The following DENND1B variants were observed in gnomAD, a reference collection of about 807,000 sequenced individuals.
The protein encoded by DENND1B is DENN domain containing 1B, also known as DENN domain-containing protein 1B.
In DENND1B, 59 loss-of-function variants were observed where a neutral mutation model predicts 90.1. The ratio of observed to expected loss-of-function variants is 0.65; its 90% confidence interval spans 0.53 to 0.81. DENND1B has a LOEUF of 0.81. Ranked by LOEUF, DENND1B falls within the 40% of genes least tolerant of loss-of-function variation. DENND1B has a pLI of 0.00. For synonymous variants in DENND1B, 337 were observed against 324.6 expected, an observed-to-expected ratio of 1.04 and a Z score of -0.41; for missense variants, 862 against 912.6, an observed-to-expected ratio of 0.94 and a Z score of 0.71.
At position 197,528,029 on chromosome 1, in the gene DENND1B, G is replaced by A. The variant is rs563201394; in HGVS notation, c.1515+11935C>T. On this transcript the variant is annotated intron_variant, in intron 20 of 22. Coordinates refer to ENST00000620048, the MANE Select transcript of DENND1B (RefSeq NM_001195215.2). ...ATTTATTTTATTCCCAGAGTCCAAT[G>A]AATTCCTATGAATGAAAGTGTTTCA... 3.3e-5 allele frequency among the ~76,000 whole-genome samples: 5 copies of A among 152,132 alleles called. No homozygotes were observed. In the East Asian group the frequency reaches 7.7e-4, roughly 24 times the overall value.
chr1:197,686,263 G>A (rs910179557), intron 3 of DENND1B, among the ~76,000 whole-genome samples: 4 of 151,820 alleles, frequency 2.6e-5, no homozygotes, highest in South Asian at 2.1e-4. Flanking sequence ...TACATTTTAC[G>A]GAAATATATC....
At chr1:197,563,128 G>T (rs1313244774) in intron 15 of DENND1B, among the ~76,000 whole-genome samples, 1 of 151,992 alleles carries the variant, frequency 6.6e-6, no homozygotes, top group Non-Finnish European at 1.5e-5. Context: ...AGCAAATGCT[G>T]ATGCAGAAGC....
chr1:197,576,972 T>C (rs560414560), intron 15 of DENND1B, among the ~76,000 whole-genome samples: 54 of 152,296 alleles, frequency 3.5e-4, no homozygotes, highest in African/African-American at 1.2e-3. Context: ...AAAAGGCCTA[T>C]ATTCATGGAG....
At chr1:197,513,284 AC>A (rs1668165614) in intron 20 of DENND1B, among the ~76,000 whole-genome samples, 1 of 151,498 alleles carries the variant, frequency 6.6e-6, no homozygotes, top group African/African-American at 2.4e-5. Context: ...ACCCTCATGC[AC>A]CCATCACACA....
intron 15 of DENND1B, among the ~76,000 whole-genome samples, chr1:197,554,172 C>T (rs893841356): frequency 6.7e-6 from 1 of 149,582 alleles, no homozygotes; most frequent in South Asian, 2.1e-4. Context: ...CACTTGGTTA[C>T]CTTTTATTTT....
rs6667565 is a variant in DENND1B, at chr1:197,615,411, A to C, written c.773+2248T>G. ...CACACCAGAGCTACCAGTTGCAAAA[A>C]CAGAAATACTTTATGGAGGTAGGAT... On this transcript the variant is annotated intron_variant, in intron 11 of 22. Transcript: ENST00000620048. Among the ~76,000 whole-genome samples the C allele has an allele frequency of 5.9e-3, 893 of 151,178 alleles. 13 individuals carry two copies. Among genetic ancestry groups the C allele is most frequent in the African/African-American group, 0.02 (835 of 41,400 alleles).
intron 14 of DENND1B, among the ~76,000 whole-genome samples, chr1:197,588,019 G>C (rs1296200768): frequency 6.6e-6 from 1 of 152,094 alleles, no homozygotes; most frequent in Non-Finnish European, 1.5e-5. Flanking sequence ...AGTAATGTGA[G>C]CCATGGGGAG....
intron 2 of DENND1B, among the ~76,000 whole-genome samples, chr1:197,715,517 A>C (rs1353324263): frequency 2.6e-5 from 4 of 151,834 alleles, no homozygotes; most frequent in Non-Finnish European, 5.9e-5. Flanking sequence ...ATACACCTTA[A>C]ATATCCATTT....
Position 197,759,667 on chromosome 1 carries a change from C to T in DENND1B, c.82+13201G>A, listed in dbSNP as rs181107113. Among the ~76,000 whole-genome samples, 948 of 133,962 alleles carry T rather than the reference C, an allele frequency of 7.1e-3. 7 individuals are homozygous for T. The highest frequency in any genetic ancestry group is 0.025 in the African/African-American group (859 of 34,924). The allele number at this position is 133,962 out of a possible 152,430, so 87.9% of individuals were successfully genotyped here. On this transcript the variant is annotated intron_variant, in intron 2 of 22. Coordinates refer to ENST00000620048, the MANE Select transcript of DENND1B (RefSeq NM_001195215.2). ...CTGAGGCAGGAGAATGGCGTGAACC[C>T]GGGAGGTGGAGGTTGCAGTGAGCTG...
At chr1:197,556,692 C>T (rs1308922133) in intron 15 of DENND1B, among the ~76,000 whole-genome samples, 1 of 151,950 alleles carries the variant, frequency 6.6e-6, no homozygotes, top group Non-Finnish European at 1.5e-5. Flanking sequence ...CTTGTCACCT[C>T]TAAGACTATT....
intron 2 of DENND1B, chr1:197,761,987 T>C (rs1158162497): frequency 6.6e-6 from 1 of 152,166 alleles, no homozygotes; most frequent in African/African-American, 2.4e-5. Context: ...TCAAAGTCCT[T>C]TACATTCAAT....
At chr1:197,694,844 A>C (rs1163080512) in intron 3 of DENND1B, among the ~76,000 whole-genome samples, 1 of 151,344 alleles carries the variant, frequency 6.6e-6, no homozygotes, top group African/African-American at 2.4e-5. Flanking sequence ...AGAACTCATT[A>C]AAGTAAAAAT....
At chr1:197,630,396 T>C (rs551636542) in intron 10 of DENND1B, among the ~76,000 whole-genome samples, 1 of 152,238 alleles carries the variant, frequency 6.6e-6, no homozygotes. Context: ...CAGGAGGGAC[T>C]GAACAGCTCC....
chr1:197,677,767 TA>T (rs1183278579), intron 3 of DENND1B, among the ~76,000 whole-genome samples: 3 of 152,152 alleles, frequency 2.0e-5, no homozygotes, highest in Admixed American at 6.6e-5. Flanking sequence ...TTAATGTATA[TA>T]AGGAAAAGTT....
intron 2 of DENND1B, among the ~76,000 whole-genome samples, chr1:197,759,616 G>A (rs1244603599): frequency 7.3e-5 from 11 of 151,048 alleles, no homozygotes; most frequent in South Asian, 2.1e-4. Flanking sequence ...GGTGGTGGGC[G>A]CCTGTAGTCC....
chr1:197,720,493 C>T (rs1398464611), intron 2 of DENND1B, among the ~76,000 whole-genome samples: 3 of 151,806 alleles, frequency 2.0e-5, no homozygotes, highest in Non-Finnish European at 4.4e-5. Context: ...GTACTGCCTC[C>T]GCCTCCCAAA....
At chr1:197,633,826 T>C (rs2125902123) in intron 10 of DENND1B, among the ~76,000 whole-genome samples, 1 of 152,202 alleles carries the variant, frequency 6.6e-6, no homozygotes, top group South Asian at 2.1e-4. Context: ...CAGCTTCCCT[T>C]TGTTAGTTTT....
At chr1:197,626,412 C>G (rs528747379) in intron 10 of DENND1B, among the ~76,000 whole-genome samples, 16 of 152,082 alleles carry the variant, frequency 1.1e-4, no homozygotes, top group Non-Finnish European at 2.1e-4. Flanking sequence ...CAACCTGCTC[C>G]TGAATGACTA....
chr1:197,664,809 C>A (rs187382151), intron 5 of DENND1B, among the ~76,000 whole-genome samples: 1 of 151,828 alleles, frequency 6.6e-6, no homozygotes, highest in Non-Finnish European at 1.5e-5. Flanking sequence ...AAGGGATTTG[C>A]CCAAAGGAAG....
Sources: gnomAD v4.1 joint callset for allele counts (sites outside exome capture counted in the v4.1 genomes callset) on GRCh38, gnomAD v4.1.1 for gene constraint, MANE v1.5 for transcripts, NCBI Gene and HGNC (gene_info 2026-07-23, HGNC 2026-07-21) for gene names.